ESRRG: variants seen among roughly 807,000 people sequenced by gnomAD.
ESRRG encodes the protein estrogen-related receptor gamma.
A neutral mutation model predicts 44.0 loss-of-function variants in ESRRG; 13 were observed. The observed-to-expected ratio is 0.30, with a 90% CI of 0.19 to 0.47. The LOEUF (loss-of-function observed/expected upper bound fraction) is 0.47. Among genes scored for constraint, ESRRG ranks in the 20% least tolerant of loss-of-function variants. The pLI is 1.00. For missense variants in ESRRG, 395 were observed against 580.6 expected (o/e 0.68, Z 3.29); for synonymous variants, 215 against 214.6 (o/e 1.00, Z -0.02).
At chr1:216,795,886 T>C (rs2094458640) in intron 2 of ESRRG, among the ~76,000 whole-genome samples, 1 of 152,076 alleles carries the variant, frequency 6.6e-6, no homozygotes, top group South Asian at 2.1e-4. Flanking sequence ...TGCAGGGTAG[T>C]AATTGATCAA....
At chr1:216,979,116 T>C (rs148155116) in intron 1 of ESRRG, among the ~76,000 whole-genome samples, 269 of 152,278 alleles carry the variant, frequency 1.8e-3, no homozygotes, top group African/African-American at 6.1e-3. Flanking sequence ...TAGCTTAGAC[T>C]GGCTTGACTT....
intron 3 of ESRRG, among the ~76,000 whole-genome samples, chr1:216,647,513 A>G (rs936423787): frequency 2.6e-5 from 4 of 152,128 alleles, no homozygotes; most frequent in Non-Finnish European, 5.9e-5. Flanking sequence ...AAATTCTAAC[A>G]TTAAAATCAA....
At chr1:216,908,946 T>C (rs915927222) in intron 2 of ESRRG, among the ~76,000 whole-genome samples, 3 of 152,134 alleles carry the variant, frequency 2.0e-5, no homozygotes, top group Admixed American at 6.6e-5. Context: ...GAATGCAAAT[T>C]TCACATGCAT....
chr1:216,511,560 C>CACACACACACACAT (rs2042727768), intron 6 of ESRRG, among the ~76,000 whole-genome samples: 2 of 151,976 alleles, frequency 1.3e-5, no homozygotes, highest in African/African-American at 4.8e-5. Context: ...CACACACACA[C>CACACACACACACAT]ACACAGACAA....
intron 1 of ESRRG, among the ~76,000 whole-genome samples, chr1:217,032,144 A>G (rs533497172): frequency 6.6e-6 from 1 of 152,310 alleles, no homozygotes; most frequent in African/African-American, 2.4e-5. Context: ...AGAATGCAAT[A>G]CTAATCACAT....
chr1:216,893,689 T>G (rs2058083956), intron 2 of ESRRG, among the ~76,000 whole-genome samples: 1 of 152,060 alleles, frequency 6.6e-6, no homozygotes, highest in African/African-American at 2.4e-5. Context: ...AAATACATAC[T>G]AAAGTATGTA....
Position 217,135,749 on chromosome 1 carries a change from C to T in ESRRG, c.-230+1918G>A, listed in dbSNP as rs932189129. Among the ~76,000 whole-genome samples, 3 of 152,226 alleles carry T rather than the reference C, an allele frequency of 2.0e-5. No homozygotes were observed. In the East Asian group the frequency reaches 5.8e-4, roughly 29 times the overall value. On this transcript the variant is annotated intron_variant, in intron 1 of 8. Coordinates refer to the ESRRG transcript ENST00000366940. ...AGCAGAAATAAAACAAAACAAATCA[C>T]GGGACACGACGGAGTCGGGCCGCTG...
At chr1:216,535,878 A>C (rs2050794981) in intron 5 of ESRRG, among the ~76,000 whole-genome samples, 1 of 152,030 alleles carries the variant, frequency 6.6e-6, no homozygotes. Flanking sequence ...TTCCTGACAA[A>C]ATGGTGTACA....
chr1:216,834,740 T>C (rs904498189), intron 2 of ESRRG, among the ~76,000 whole-genome samples: 1 of 152,162 alleles, frequency 6.6e-6, no homozygotes, highest in Non-Finnish European at 1.5e-5. Context: ...CATGGAAGAA[T>C]GACAACAACA....
chr1:216,622,149 C>T (rs905299197), intron 3 of ESRRG, among the ~76,000 whole-genome samples: 1 of 152,184 alleles, frequency 6.6e-6, no homozygotes, highest in Non-Finnish European at 1.5e-5. Context: ...TTGACTCTAG[C>T]CAAAATGATA....
rs1290061680 is a variant in ESRRG, at chr1:217,116,659, A to G, written c.-230+21008T>C. On this transcript the variant is annotated intron_variant, in intron 1 of 8. Transcript: ENST00000366940. The stretch of plus-strand genomic sequence containing the variant: ...AAAAGAGTCAGTCATCCTGTTACTG[A>G]GACTGTAGCAACCAAGATGCTTCCT... Among the ~76,000 whole-genome samples, 6 of 152,302 alleles carry G rather than the reference A, an allele frequency of 3.9e-5. No individual in the cohort carries two copies. The East Asian group carries it at 1.2e-3, about 29-fold the overall frequency.
At position 216,651,096 on chromosome 1, in the gene ESRRG, C is replaced by T. The variant is rs1388924135; in HGVS notation, c.473-7G>A. On this transcript the variant is annotated splice_polypyrimidine_tract_variant and splice_region_variant and intron_variant, in intron 2 of 6. Transcript: ENST00000408911. ...CAGCTGTATTCTATATTGCCTAAAA[C>T]ACAAGTTTGAAGAAAAGTTGTCATA... The T allele has an allele frequency of 3.8e-6, 6 of 1,561,896 alleles. No homozygotes were observed. The highest frequency in any genetic ancestry group is 5.3e-6 in the Non-Finnish European group (6 of 1,132,760).
chr1:216,761,845 G>A (rs2092794081), intron 2 of ESRRG, among the ~76,000 whole-genome samples: 1 of 152,178 alleles, frequency 6.6e-6, no homozygotes, highest in East Asian at 1.9e-4. Context: ...GAGCTGTCCA[G>A]CTCTTCAATC....
intron 3 of ESRRG, among the ~76,000 whole-genome samples, chr1:216,607,334 T>G (rs2060064453): frequency 6.6e-6 from 1 of 152,180 alleles, no homozygotes. Flanking sequence ...CTGTCACTTG[T>G]TTACATTTAT....
Position 216,686,630 on chromosome 1 carries a change from T to TAA in ESRRG, c.57-9141_57-9140dup, listed in dbSNP as rs5780908. 3.3e-5 allele frequency among the ~76,000 whole-genome samples: 5 copies of TAA among 150,532 alleles called. No homozygotes were observed. The East Asian group carries it at 9.9e-4, about 30-fold the overall frequency. On this transcript the variant is annotated intron_variant, in intron 1 of 6. Coordinates refer to ENST00000408911, the MANE Select transcript of ESRRG (RefSeq NM_001438.4). Reference sequence around the variant, plus strand: ...TAAAATGCCATTCTAAAAAATCAACTAAAAAAAAAGACTATACCAGGGTTT... The same window carrying TAA: ...TAAAATGCCATTCTAAAAAATCAACTAAAAAAAAAAAGACTATACCAGGGTTT...
At chr1:216,734,873 A>T (rs893438733) in intron 2 of ESRRG, among the ~76,000 whole-genome samples, 11 of 151,500 alleles carry the variant, frequency 7.3e-5, no homozygotes, top group East Asian at 1.9e-4. Context: ...ATAAATTTTT[A>T]AAAAAGTTGG....
intron 1 of ESRRG, among the ~76,000 whole-genome samples, chr1:216,968,177 A>G (rs1399751605): frequency 1.3e-5 from 2 of 152,110 alleles, no homozygotes; most frequent in Admixed American, 1.3e-4. Context: ...GTTTTCTCCC[A>G]GTCTTTGGCT....
intron 2 of ESRRG, among the ~76,000 whole-genome samples, chr1:216,861,566 C>T (rs137901766): frequency 1.3e-3 from 201 of 151,900 alleles, no homozygotes; most frequent in Middle Eastern, 0.011. Flanking sequence ...GATAAAAAAG[C>T]GAAATTCAAC....
At chr1:216,842,041 G>A (rs941012461) in intron 2 of ESRRG, among the ~76,000 whole-genome samples, 1 of 152,054 alleles carries the variant, frequency 6.6e-6, no homozygotes, top group Admixed American at 6.6e-5. Context: ...TGATCTAGAA[G>A]CTTGTTGTCA....
Sources: gnomAD v4.1 joint callset for allele counts (sites outside exome capture counted in the v4.1 genomes callset) on GRCh38, gnomAD v4.1.1 for gene constraint, MANE v1.5 for transcripts, NCBI Gene and HGNC (gene_info 2026-07-23, HGNC 2026-07-21) for gene names.